ZNF804A: variants seen among roughly 807,000 people sequenced by gnomAD.
The protein encoded by ZNF804A is zinc finger protein 804A.
In ZNF804A, 2 loss-of-function variants were observed where a neutral mutation model predicts 16.5. The ratio of observed to expected loss-of-function variants is 0.12; its 90% CI spans 0.05 to 0.38. The LOEUF is 0.38. ZNF804A is among the 10% of genes least tolerant of loss of function. ZNF804A has a pLI of 0.99. For missense variants in ZNF804A, 1,473 were observed against 1,390.7 expected (o/e 1.06, Z -0.94); for synonymous variants, 534 against 489.6 (o/e 1.09, Z -1.20).
rs553551178 is a variant in ZNF804A at position 184,934,745 on chromosome 2, C to T, written c.386+1012C>T. Among the ~76,000 whole-genome samples, 4 of 152,100 alleles carry T rather than the reference C, an allele frequency of 2.6e-5. No individual in the cohort carries two copies. In the South Asian group the frequency reaches 8.3e-4, roughly 32 times the overall value. On this transcript the variant is annotated intron_variant, in intron 3 of 3. Transcript: ENST00000302277. Reference sequence around the variant, plus strand: ...GAACTAGAGCTAATAATGATATACACAAAAAGCAATACTGTTTATTTAAAT... The same window carrying T: ...GAACTAGAGCTAATAATGATATACATAAAAAGCAATACTGTTTATTTAAAT...
intron 1 of ZNF804A, among the ~76,000 whole-genome samples, chr2:184,773,995 C>T (rs1220708940): frequency 6.6e-6 from 1 of 151,788 alleles, no homozygotes; most frequent in Non-Finnish European, 1.5e-5. Context: ...GAATCGAGAG[C>T]TGTGTCAGTA....
chr2:184,827,441 TATATAA>T (rs1227070594), intron 1 of ZNF804A, among the ~76,000 whole-genome samples: 7 of 146,784 alleles, frequency 4.8e-5, no homozygotes, highest in East Asian at 2.0e-4. Flanking sequence ...TAAAACATAA[TATATAA>T]ATATAAATAT....
At chr2:184,793,152 G>A (rs1447310193) in intron 1 of ZNF804A, among the ~76,000 whole-genome samples, 1 of 151,988 alleles carries the variant, frequency 6.6e-6, no homozygotes, top group African/African-American at 2.4e-5. Flanking sequence ...TATGTACCAT[G>A]TTTTCCTCAT....
chr2:184,687,713 T>A (rs1692659632), intron 1 of ZNF804A, among the ~76,000 whole-genome samples: 1 of 152,212 alleles, frequency 6.6e-6, no homozygotes, highest in South Asian at 2.1e-4. Context: ...GTAGTTCTTG[T>A]TGAATGTAAT....
At chr2:184,662,963 G>A (rs1216139014) in intron 1 of ZNF804A, among the ~76,000 whole-genome samples, 2 of 152,162 alleles carry the variant, frequency 1.3e-5, no homozygotes, top group Non-Finnish European at 2.9e-5. Flanking sequence ...TACCTAATAT[G>A]CATTTTATTA....
intron 1 of ZNF804A, among the ~76,000 whole-genome samples, chr2:184,620,828 A>G (rs984402338): frequency 2.0e-4 from 31 of 151,700 alleles, no homozygotes; most frequent in African/African-American, 7.2e-4. Context: ...TTAGTTGTAA[A>G]CTTAAACATC....
chr2:184,753,288 G>A (rs1693903682), intron 1 of ZNF804A, among the ~76,000 whole-genome samples: 1 of 151,552 alleles, frequency 6.6e-6, no homozygotes, highest in African/African-American at 2.4e-5. Flanking sequence ...AAGGCAATAG[G>A]CAATAGGCTG....
intron 2 of ZNF804A, among the ~76,000 whole-genome samples, chr2:184,909,209 A>G (rs773129270): frequency 4.6e-5 from 7 of 152,112 alleles, no homozygotes; most frequent in Non-Finnish European, 1.0e-4. Context: ...GCTTTGTCCC[A>G]ACTGGTTTTA....
Position 184,662,500 on chromosome 2 carries a change from C to T in ZNF804A, c.111+63430C>T, listed in dbSNP as rs200661093. On this transcript the variant is annotated intron_variant, in intron 1 of 3. Transcript: ENST00000302277. Reference sequence around the variant, plus strand: ...GGCTATTTGAGAAACGTATCATCAACTGGATAATACTTTGAAATATTTGAA... The same window carrying T: ...GGCTATTTGAGAAACGTATCATCAATTGGATAATACTTTGAAATATTTGAA... Among the ~76,000 whole-genome samples the T allele has an allele frequency of 3.9e-5, 6 of 152,294 alleles. No homozygotes were observed. The East Asian group carries it at 1.2e-3, about 29-fold the overall frequency.
chr2:184,610,670 A>G (rs997053624), intron 1 of ZNF804A, among the ~76,000 whole-genome samples: 2 of 152,178 alleles, frequency 1.3e-5, no homozygotes, highest in Admixed American at 1.3e-4. Context: ...TCAAAAGGTT[A>G]TGTTAGCAAA....
At chr2:184,635,300 A>T (rs1691678263) in intron 1 of ZNF804A, among the ~76,000 whole-genome samples, 2 of 152,274 alleles carry the variant, frequency 1.3e-5, no homozygotes, top group Admixed American at 6.5e-5. Flanking sequence ...TTTAGCAATA[A>T]GTCAAACCAG....
chr2:184,691,757 C>T (rs1006925506), intron 1 of ZNF804A, among the ~76,000 whole-genome samples: 7 of 151,544 alleles, frequency 4.6e-5, no homozygotes, highest in East Asian at 1.9e-4. Context: ...AGTACGAATT[C>T]GTTGTTTTAT....
intron 1 of ZNF804A, among the ~76,000 whole-genome samples, chr2:184,752,154 A>C (rs1301368423): frequency 6.6e-6 from 1 of 151,654 alleles, no homozygotes; most frequent in African/African-American, 2.4e-5. Flanking sequence ...AAAAGAAATA[A>C]TTATATAAAA....
Position 184,839,423 on chromosome 2 carries a change from A to T in ZNF804A, c.112-26946A>T, listed in dbSNP as rs781020062. Among the ~76,000 whole-genome samples the T allele has an allele frequency of 5.9e-4, 89 of 152,068 alleles. 1 individual carries two copies. Among genetic ancestry groups the T allele is most frequent in the Non-Finnish European group, 1.1e-3 (78 of 67,974 alleles). ...CAAAGTTATACATTCTCAGATTTTT[A>T]AAATAGTGTTATTAATTTAACATGT... is the stretch of plus-strand genomic sequence containing the variant. On this transcript the variant is annotated intron_variant, in intron 1 of 3. Coordinates refer to ENST00000302277, the MANE Select transcript of ZNF804A (RefSeq NM_194250.2).
intron 1 of ZNF804A, among the ~76,000 whole-genome samples, chr2:184,772,669 A>G (rs1694233857): frequency 6.6e-6 from 1 of 151,702 alleles, no homozygotes; most frequent in Non-Finnish European, 1.5e-5. Flanking sequence ...TATGACAACT[A>G]TATTTAAACT....
At chr2:184,810,020 A>G (rs905300628) in intron 1 of ZNF804A, among the ~76,000 whole-genome samples, 1 of 152,182 alleles carries the variant, frequency 6.6e-6, no homozygotes, top group African/African-American at 2.4e-5. Flanking sequence ...TGTTAAGTAT[A>G]ACACATATTA....
rs369752483 is a variant in ZNF804A, at chr2:184,640,994, G to A, written c.111+41924G>A. Among the ~76,000 whole-genome samples the A allele has an allele frequency of 8.0e-4, 122 of 151,916 alleles. 2 individuals carry two copies. Among genetic ancestry groups the A allele is most frequent in the African/African-American group, 2.8e-3 (115 of 41,436 alleles). On this transcript the variant is annotated intron_variant, in intron 1 of 3. Coordinates refer to ENST00000302277, the MANE Select transcript of ZNF804A (RefSeq NM_194250.2). ...CCCTGATATAGAGTCTTGCTCTGTC[G>A]CTCAGGCTGGAGTGCGGTGGCACAA...
At chr2:184,691,462 TTTA>T (rs1692723841) in intron 1 of ZNF804A, among the ~76,000 whole-genome samples, 1 of 147,466 alleles carries the variant, frequency 6.8e-6, no homozygotes, top group African/African-American at 2.7e-5. Flanking sequence ...CTTGATTTTA[TTTA>T]CTATTTTATT....
At chr2:184,683,279 G>A (rs1692571772) in intron 1 of ZNF804A, among the ~76,000 whole-genome samples, 2 of 152,058 alleles carry the variant, frequency 1.3e-5, no homozygotes, top group Admixed American at 6.6e-5. Context: ...TTAGTTGTAT[G>A]GGGGATATAC....
Sources: allele counts gnomAD v4.1 joint callset (sites outside exome capture counted in the v4.1 genomes callset), GRCh38; gene constraint gnomAD v4.1.1; transcripts MANE v1.5; gene names NCBI Gene and HGNC (gene_info 2026-07-23, HGNC 2026-07-21).